TENT4B: variants seen among roughly 807,000 people sequenced by gnomAD.
TENT4B encodes PAP associated domain containing 5.
A neutral mutation model predicts 75.0 loss-of-function variants in TENT4B; 10 were observed. The ratio of observed to expected loss-of-function variants is 0.13; its 90% CI spans 0.08 to 0.23. The LOEUF is 0.23. TENT4B is among the 10% of genes least tolerant of loss of function. The pLI is 1.00. For synonymous variants in TENT4B, 350 were observed against 357.7 expected (o/e 0.98, Z 0.24); for missense variants, 579 against 893.8 (o/e 0.65, Z 4.49).
chr16:50,203,953 T>C (rs1426486380), intron 1 of TENT4B, among the ~76,000 whole-genome samples: 2 of 152,218 alleles, frequency 1.3e-5, no homozygotes, highest in African/African-American at 4.8e-5. Flanking sequence ...TCTGAAGTCA[T>C]TCTGCCTCTG....
intron 1 of TENT4B, among the ~76,000 whole-genome samples, chr16:50,158,587 T>C (rs1239091951): frequency 6.6e-6 from 1 of 152,184 alleles, no homozygotes; most frequent in African/African-American, 2.4e-5. Flanking sequence ...ACAGGGAATT[T>C]GCAGAACTTG....
At chr16:50,164,695 T>C (rs1204944483) in intron 1 of TENT4B, among the ~76,000 whole-genome samples, 1 of 152,116 alleles carries the variant, frequency 6.6e-6, no homozygotes, top group Non-Finnish European at 1.5e-5. Context: ...TTTTCTTCTT[T>C]GGGAGAAGGG....
At chr16:50,178,849 T>A (rs895957772) in intron 1 of TENT4B, among the ~76,000 whole-genome samples, 5 of 152,186 alleles carry the variant, frequency 3.3e-5, no homozygotes, top group African/African-American at 1.2e-4. Context: ...GTACAGAGTT[T>A]CATTTGGAAA....
intron 3 of TENT4B, among the ~76,000 whole-genome samples, chr16:50,214,848 C>T (rs1288989044): frequency 6.6e-6 from 1 of 152,130 alleles, no homozygotes; most frequent in East Asian, 1.9e-4. Flanking sequence ...TGCTCAGTCC[C>T]ATAACTTAAC....
chr16:50,230,444 C>T lies in TENT4B; in HGVS notation c.*1116C>T. Reference sequence around the variant, plus strand: ...CTCATCTCTTATTCTTTTTAAAATTCATGCTTAACTACTGTGGGAGAATAA... The same window carrying T: ...CTCATCTCTTATTCTTTTTAAAATTTATGCTTAACTACTGTGGGAGAATAA... On this transcript the variant is annotated 3_prime_UTR_variant, in exon 12 of 12. Transcript: ENST00000561678. 1 of 985,558 alleles carries T rather than the reference C, an allele frequency of 1.0e-6. No individual in the cohort carries two copies. Among genetic ancestry groups the T allele is most frequent in the South Asian group, 4.7e-5 (1 of 21,280 alleles). The allele number at this position is 985,558 out of a possible 1,614,324, so 61.1% of individuals were successfully genotyped here. A position where few individuals can be genotyped will look rare whatever the true frequency, so the allele number is the denominator to read the frequency against.
chr16:50,187,927 T>C (rs763467002), intron 1 of TENT4B, among the ~76,000 whole-genome samples: 19 of 152,118 alleles, frequency 1.2e-4, no homozygotes, highest in Non-Finnish European at 2.6e-4. Context: ...GTATGCATTC[T>C]TTTCTTTCTT....
At position 50,217,448 on chromosome 16, in the gene TENT4B, A is replaced by T. The variant is rs1369724129; in HGVS notation, c.931-108A>T. 9 of 603,790 alleles carry T rather than the reference A, an allele frequency of 1.5e-5. No individual in the cohort carries two copies. The Admixed American group carries it at 2.2e-4, about 15-fold the overall frequency. 37.4% of individuals were successfully genotyped at this position (603,790 alleles called of 1,614,324 possible). The stretch of plus-strand genomic sequence containing the variant: ...CATATTTAGAATACTCAGTGTTCTT[A>T]TGCTCTCATGAGATGATGGAGACCT... On this transcript the variant is annotated intron_variant, in intron 4 of 11. Coordinates refer to ENST00000561678, the MANE Select transcript of TENT4B (RefSeq NM_001365324.3).
chr16:50,163,464 A>G (rs1434466490), intron 1 of TENT4B, among the ~76,000 whole-genome samples: 2 of 136,690 alleles, frequency 1.5e-5, no homozygotes, highest in Non-Finnish European at 3.1e-5. Flanking sequence ...GTCGCCCACC[A>G]TCTCGGCTCA....
chr16:50,176,939 G>A (rs934876716), intron 1 of TENT4B, among the ~76,000 whole-genome samples: 20 of 151,958 alleles, frequency 1.3e-4, no homozygotes, highest in Non-Finnish European at 2.5e-4. Flanking sequence ...GGTAATGCTG[G>A]CCTCATAGAA....
chr16:50,177,847 A>G (rs530976671), intron 1 of TENT4B, among the ~76,000 whole-genome samples: 4 of 152,154 alleles, frequency 2.6e-5, no homozygotes, highest in African/African-American at 7.2e-5. Context: ...TCTTTTTTCT[A>G]ATGTTTACAG....
intron 1 of TENT4B, among the ~76,000 whole-genome samples, chr16:50,198,561 T>TA (rs996382226): frequency 4.6e-5 from 7 of 151,514 alleles, no homozygotes; most frequent in East Asian, 3.9e-4. Context: ...GGTTGCATTT[T>TA]AAAAAAAAAC....
chr16:50,173,274 TC>T (rs2038241267), intron 1 of TENT4B, among the ~76,000 whole-genome samples: 1 of 152,124 alleles, frequency 6.6e-6, no homozygotes, highest in African/African-American at 2.4e-5. Flanking sequence ...TGAATAATAC[TC>T]CATTGTATAG....
chr16:50,228,019 G>T lies in TENT4B; in HGVS notation c.1965+16G>T. 2.5e-6 allele frequency: 4 copies of T among 1,607,738 alleles called. No individual in the cohort carries two copies. The highest frequency in any genetic ancestry group is 3.4e-6 in the Non-Finnish European group (4 of 1,176,086). On this transcript the variant is annotated intron_variant, in intron 11 of 11. Transcript: ENST00000561678. ...CAAATCTCAGGTGTGTGGAACGTGGGTTTTTAATTGTTAGTATTTGATACA... is the reference window on the plus strand; with the variant it reads ...CAAATCTCAGGTGTGTGGAACGTGGTTTTTTAATTGTTAGTATTTGATACA...
rs535936266 is a variant in TENT4B at position 50,233,055 on chromosome 16, C to T, written c.*3727C>T. ...TAAACTTTCAGTTATTGGAAAGGCA[C>T]ATTCTCAAAGTATTTTATGAGCAAA... On this transcript the variant is annotated 3_prime_UTR_variant, in exon 12 of 12. Coordinates refer to ENST00000561678, the MANE Select transcript of TENT4B (RefSeq NM_001365324.3). 7 of 984,822 alleles carry T rather than the reference C, an allele frequency of 7.1e-6. No individual in the cohort carries two copies. The South Asian group carries it at 2.8e-4, about 40-fold the overall frequency. The allele number at this position is 984,822 out of a possible 1,614,324, so 61.0% of individuals were successfully genotyped here.
chr16:50,228,630 G>T (rs937568957), intron 11 of TENT4B, among the ~76,000 whole-genome samples: 1 of 152,188 alleles, frequency 6.6e-6, no homozygotes, highest in African/African-American at 2.4e-5. Flanking sequence ...CCTTGTGTCT[G>T]ATTTGACTCA....
chr16:50,153,195 GCGGAGCGAGA>G (rs2037800719), upstream of TENT4B, among the ~76,000 whole-genome samples: 100 of 115,246 alleles, frequency 8.7e-4, no homozygotes, highest in Middle Eastern at 4.3e-3. Context: ...GGGGGGGGGG[GCGGAGCGAGA>G]GGGGCGGAGC....
chr16:50,155,500 C>G (rs2037880872), intron 1 of TENT4B, among the ~76,000 whole-genome samples: 1 of 152,088 alleles, frequency 6.6e-6, no homozygotes, highest in Non-Finnish European at 1.5e-5. Context: ...TTTTGAAGGT[C>G]TGGATAAAAT....
intron 1 of TENT4B, among the ~76,000 whole-genome samples, chr16:50,196,919 G>T (rs1296134545): frequency 2.0e-5 from 3 of 151,036 alleles, no homozygotes; most frequent in Non-Finnish European, 4.4e-5. Flanking sequence ...GTGGGTAACA[G>T]AACGAAACCC....
At chr16:50,196,762 A>C (rs1277976314) in intron 1 of TENT4B, among the ~76,000 whole-genome samples, 2 of 62,504 alleles carry the variant, frequency 3.2e-5, no homozygotes, top group Non-Finnish European at 8.2e-5. Context: ...TCCTGTCTCT[A>C]CAAAAAAAAA....
Sources: allele counts gnomAD v4.1 joint callset (sites outside exome capture counted in the v4.1 genomes callset), GRCh38; gene constraint gnomAD v4.1.1; transcripts MANE v1.5; gene names NCBI Gene and HGNC (gene_info 2026-07-23, HGNC 2026-07-21).